Variants in SCAF4 observed in about 807,000 individuals in gnomAD.
SCAF4 encodes SR-related CTD associated factor 4, also known as SR-related and CTD-associated factor 4.
A neutral mutation model predicts 129.8 loss-of-function variants in SCAF4; 25 were observed. The ratio of observed to expected loss-of-function variants is 0.19; its 90% CI spans 0.14 to 0.27. The LOEUF (loss-of-function observed/expected upper bound fraction) is 0.27. SCAF4 is among the 10% of genes least tolerant of loss of function. The probability of loss-of-function intolerance (pLI) is 1.00; values close to 1 mark genes in which losing one functional copy is unlikely to be tolerated. For synonymous variants in SCAF4, 551 were observed against 497.7 expected (o/e 1.11, Z -1.43); for missense variants, 1,246 against 1,457.1 (o/e 0.86, Z 2.36).
At chr21:31,718,078 G>A (rs1341707937) in intron 1 of SCAF4, among the ~76,000 whole-genome samples, 1 of 152,014 alleles carries the variant, frequency 6.6e-6, no homozygotes, top group Non-Finnish European at 1.5e-5. Context: ...CAAGTAGCTG[G>A]GATTACAGGC....
At position 31,685,706 on chromosome 21, in the gene SCAF4, C is replaced by T. The variant is rs2050104662; in HGVS notation, c.2071G>A (p.Val691Ile). Residue 691 changes from valine (V) to isoleucine (I), a missense_variant, in exon 17 of 20, where the codon GTA becomes ATA. Coordinates refer to ENST00000286835, the MANE Select transcript of SCAF4 (RefSeq NM_020706.2). Reference sequence around the variant, plus strand: ...GCAGGCGGCTGGAGAGCACCAACTACAGGTGGACCCGGTTGATGTGGTGGG... The same window carrying T: ...GCAGGCGGCTGGAGAGCACCAACTATAGGTGGACCCGGTTGATGTGGTGGG... ...QVPPHQPGPP[V>I]VGALQPPAFT... 5 of 1,606,436 alleles carry T rather than the reference C, an allele frequency of 3.1e-6. No homozygotes were observed. The highest frequency in any genetic ancestry group is 4.2e-6 in the Non-Finnish European group (5 of 1,176,838).
chr21:31,672,727 G>T (rs1435188618), intron 19 of SCAF4, among the ~76,000 whole-genome samples: 1 of 152,130 alleles, frequency 6.6e-6, no homozygotes, highest in Non-Finnish European at 1.5e-5. Context: ...TTCACTATCA[G>T]TAACTATTCA....
intron 10 of SCAF4, 114 bp downstream of exon 10, chr21:31,694,699 G>A (rs1419249763): frequency 4.2e-5 from 43 of 1,019,734 alleles, no homozygotes; most frequent in Non-Finnish European, 6.2e-5. Flanking sequence ...GGTTTAATAT[G>A]TACCCAGGTC....
At chr21:31,698,879 G>C (rs1258053811) in intron 7 of SCAF4, among the ~76,000 whole-genome samples, 1 of 152,194 alleles carries the variant, frequency 6.6e-6, no homozygotes, top group Non-Finnish European at 1.5e-5. Context: ...AACTGCGTGA[G>C]CCAGTTTCTT....
chr21:31,726,302 C>G (rs549286771), intron 1 of SCAF4, among the ~76,000 whole-genome samples: 85 of 152,246 alleles, frequency 5.6e-4, no homozygotes, highest in African/African-American at 2.0e-3. Context: ...GCCTCGGCCT[C>G]CCAAAGTGCT....
At chr21:31,723,629 T>TGCGCGCGCGCGC (rs60041981) in intron 1 of SCAF4, among the ~76,000 whole-genome samples, 1 of 149,000 alleles carries the variant, frequency 6.7e-6, no homozygotes, top group Non-Finnish European at 1.5e-5. Flanking sequence ...TGTGTGTGTG[T>TGCGCGCGCGCGC]GCGCGCGCGC....
At position 31,732,041 on chromosome 21, in the gene SCAF4, CGAG is replaced by C; in HGVS notation, c.-352_-350del. 4.7e-6 allele frequency: 2 copies of C among 426,726 alleles called. No homozygotes were observed. Among genetic ancestry groups the C allele is most frequent in the South Asian group, 7.4e-5 (1 of 13,436 alleles). The allele number at this position is 426,726 out of a possible 1,614,324, so 26.4% of individuals were successfully genotyped here. On this transcript the variant is annotated 5_prime_UTR_variant, in exon 1 of 20. Coordinates refer to ENST00000286835, the MANE Select transcript of SCAF4 (RefSeq NM_020706.2). ...CACTGGCTCACACTGGCCCGGCCGG[CGAG>C]CGGGCGGGCCTCTCTCTCCCTCTCT... is the stretch of plus-strand genomic sequence containing the variant.
At chr21:31,688,582 C>T in intron 15 of SCAF4, 118 bp from the exon 16 acceptor site, 2 of 783,252 alleles carry the variant, frequency 2.6e-6, no homozygotes, top group Non-Finnish European at 4.1e-6. Flanking sequence ...AATTCCCATG[C>T]TAATTTTAGA....
intron 1 of SCAF4, among the ~76,000 whole-genome samples, chr21:31,725,755 G>T (rs1169680544): frequency 6.6e-6 from 1 of 152,100 alleles, no homozygotes; most frequent in East Asian, 1.9e-4. Context: ...TACCTGATGT[G>T]TGTTACTGCA....
rs1182937141 is a variant in SCAF4 at position 31,671,160 on chromosome 21, T to A, written c.*239A>T. On this transcript the variant is annotated 3_prime_UTR_variant, in exon 20 of 20. Transcript: ENST00000286835. Reference sequence around the variant, plus strand: ...CTTCTAATTACGATTTGTAAACTTTTTAAAGTCAAAACTTTTAAAAAGTTA... The same window carrying A: ...CTTCTAATTACGATTTGTAAACTTTATAAAGTCAAAACTTTTAAAAAGTTA... The A allele has an allele frequency of 2.5e-6, 1 of 405,064 alleles. No homozygotes were observed. The highest frequency in any genetic ancestry group is 4.3e-6 in the Non-Finnish European group (1 of 232,116). The allele number at this position is 405,064 out of a possible 1,614,324, so 25.1% of individuals were successfully genotyped here.
intron 1 of SCAF4, among the ~76,000 whole-genome samples, chr21:31,710,723 C>CA (rs2050780738): frequency 6.6e-6 from 1 of 152,162 alleles, no homozygotes; most frequent in Non-Finnish European, 1.5e-5. Flanking sequence ...AATCAGGATG[C>CA]AAAACAAATC....
In SCAF4 at chr21:31,732,089, G is replaced by C; in HGVS notation, c.-397C>G. On this transcript the variant is annotated 5_prime_UTR_variant, in exon 1 of 20. Transcript: ENST00000286835. The stretch of plus-strand genomic sequence containing the variant: ...CTCTCTCCAGCGGGATGGCGGCAGC[G>C]GCCCGAGTCCACGCCGCGCGGGGCA... 2 of 409,780 alleles carry C rather than the reference G, an allele frequency of 4.9e-6. No homozygotes were observed. The highest frequency in any genetic ancestry group is 9.6e-5 in the South Asian group (1 of 10,392). The allele number at this position is 409,780 out of a possible 1,614,324, so 25.4% of individuals were successfully genotyped here.
intron 1 of SCAF4, among the ~76,000 whole-genome samples, chr21:31,723,406 T>C (rs938792416): frequency 2.0e-5 from 3 of 151,898 alleles, no homozygotes; most frequent in Non-Finnish European, 4.4e-5. Flanking sequence ...TGTGCCAAGA[T>C]CATGCCACTG....
At chr21:31,701,673 G>A (rs550398342) in intron 6 of SCAF4, 103 bp downstream of exon 6, 62 of 1,226,918 alleles carry the variant, frequency 5.1e-5, no homozygotes, top group South Asian at 6.8e-5. Context: ...AAAAGCAGAC[G>A]TATTTTCTCC....
At chr21:31,693,264 C>A (rs747349736) in intron 12 of SCAF4, 30 bp downstream of exon 12, 3 of 1,399,388 alleles carry the variant, frequency 2.1e-6, no homozygotes, top group South Asian at 3.4e-5. Flanking sequence ...AAAAATAGTA[C>A]ATGAGGTTTG....
At chr21:31,718,939 T>C (rs1009876190) in intron 1 of SCAF4, among the ~76,000 whole-genome samples, 1 of 152,168 alleles carries the variant, frequency 6.6e-6, no homozygotes, top group African/African-American at 2.4e-5. Flanking sequence ...TAATAATAAA[T>C]ATAACACCAT....
chr21:31,671,277 C>A lies in SCAF4; in HGVS notation c.*122G>T. 1 of 1,072,522 alleles carries A rather than the reference C, an allele frequency of 9.3e-7. No homozygotes were observed. The highest frequency in any genetic ancestry group is 3.1e-5 in the Admixed American group (1 of 32,784). The allele number at this position is 1,072,522 out of a possible 1,614,324, so 66.4% of individuals were successfully genotyped here. On this transcript the variant is annotated 3_prime_UTR_variant, in exon 20 of 20. Coordinates refer to ENST00000286835, the MANE Select transcript of SCAF4 (RefSeq NM_020706.2). ...AGAAGGGAAGCAATCAAATTGCTTA[C>A]AGTTCCCCACCAGCTGGCGCGGGGC... is the stretch of plus-strand genomic sequence containing the variant.
In SCAF4 at chr21:31,671,129, A is replaced by T; in HGVS notation, c.*270T>A. ...AAATTAAAAAAAAAAAAAAAAATAG[A>T]GAGCACTTCTAATTACGATTTGTAA... On this transcript the variant is annotated 3_prime_UTR_variant, in exon 20 of 20. Transcript: ENST00000286835. 2 of 279,244 alleles carry T rather than the reference A, an allele frequency of 7.2e-6. No homozygotes were observed. Among genetic ancestry groups the T allele is most frequent in the South Asian group, 1.3e-4 (1 of 7,610 alleles). The allele number at this position is 279,244 out of a possible 1,614,324, so 17.3% of individuals were successfully genotyped here.
At position 31,672,347 on chromosome 21, in the gene SCAF4, T is replaced by C. The variant is rs747940266; in HGVS notation, c.2496A>G (p.Gln832=). ...VTQPVSLLGT[Q]GVAPGPVIGL... is the part of the protein sequence containing the mutation. ...CAATTACAGGACCAGGGGCAACTCC[T>C]TGAGTGCCTAAAAGACGACAAAAAT... Residue 832 remains glutamine, a synonymous_variant, in exon 20 of 20, where the codon CAA becomes CAG. Transcript: ENST00000286835. The C allele has an allele frequency of 3.7e-6, 6 of 1,611,992 alleles. No individual in the cohort carries two copies. Among genetic ancestry groups the C allele is most frequent in the East Asian group, 2.2e-5 (1 of 44,882 alleles).
Sources: gnomAD v4.1 joint callset for allele counts (sites outside exome capture counted in the v4.1 genomes callset) on GRCh38, gnomAD v4.1.1 for gene constraint, MANE v1.5 for transcripts, NCBI Gene and HGNC (gene_info 2026-07-23, HGNC 2026-07-21) for gene names.